LINGO2: variants seen among roughly 807,000 people sequenced by gnomAD.
LINGO2 encodes leucine rich repeat and Ig domain containing 2.
A neutral mutation model predicts 30.6 loss-of-function variants in LINGO2; 14 were observed. The ratio of observed to expected loss-of-function variants is 0.46; its 90% confidence interval spans 0.30 to 0.72. LINGO2 has a LOEUF of 0.72. LINGO2 is among the 30% of genes least tolerant of loss of function. LINGO2 has a pLI of 0.07. For synonymous variants in LINGO2, 317 were observed against 288.5 expected (o/e 1.10, Z -1.00); for missense variants, 729 against 751.7 (o/e 0.97, Z 0.35).
At chr9:29,169,442 A>T in the LINGO2 span, among the ~76,000 whole-genome samples, 3 of 152,142 alleles carry the variant, frequency 2.0e-5, no homozygotes, top group African/African-American at 7.2e-5. Flanking sequence ...AAGAAAAAAA[A>T]ATCCCCATTA....
intron 4 of LINGO2, among the ~76,000 whole-genome samples, chr9:28,289,986 C>G (rs1823658282): frequency 6.6e-6 from 1 of 152,210 alleles, no homozygotes; most frequent in South Asian, 2.1e-4. Flanking sequence ...ATTGCTTTGG[C>G]TCACAGCCAG....
At chr9:28,787,607 G>A in the LINGO2 span, among the ~76,000 whole-genome samples, 9 of 152,126 alleles carry the variant, frequency 5.9e-5, no homozygotes, top group African/African-American at 2.2e-4. Context: ...GGAAAAAAGT[G>A]TCTTTTACCC....
At position 28,364,375 on chromosome 9, in the gene LINGO2, C is replaced by T. The variant is rs559765487; in HGVS notation, c.-246+8461G>A. 1.7e-3 allele frequency among the ~76,000 whole-genome samples: 259 copies of T among 151,226 alleles called. 1 individual carries two copies. Among genetic ancestry groups the T allele is most frequent in the Middle Eastern group, 3.4e-3 (1 of 294 alleles). ...TTTTTCTCTATGTTGTTTTCTAACA[C>T]GGATACAAGGTAAGATGAACACCAC... On this transcript the variant is annotated intron_variant, in intron 3 of 5. Coordinates refer to ENST00000379992, the Ensembl canonical transcript of LINGO2.
chr9:28,090,203 A>T (rs772742157), intron 4 of LINGO2, among the ~76,000 whole-genome samples: 2 of 152,186 alleles, frequency 1.3e-5, no homozygotes, highest in Admixed American at 6.5e-5. Context: ...GTCCTCCCTA[A>T]CTCATTTTAT....
intron 4 of LINGO2, among the ~76,000 whole-genome samples, chr9:28,024,700 C>G (rs1333287262): frequency 2.0e-5 from 3 of 152,100 alleles, no homozygotes; most frequent in African/African-American, 7.2e-5. Flanking sequence ...TTCCAATGTT[C>G]CAAAGTCATT....
At chr9:28,515,023 C>T (rs370852118) in intron 1 of LINGO2, among the ~76,000 whole-genome samples, 19 of 152,046 alleles carry the variant, frequency 1.2e-4, no homozygotes, top group African/African-American at 4.3e-4. Flanking sequence ...ACCTACCACT[C>T]AGAATAAAAG....
At chr9:28,851,471 T>C in the LINGO2 span, among the ~76,000 whole-genome samples, 1 of 152,066 alleles carries the variant, frequency 6.6e-6, no homozygotes, top group African/African-American at 2.4e-5. Flanking sequence ...ATAGTATCCC[T>C]ATTTTAAGGT....
intron 2 of LINGO2, among the ~76,000 whole-genome samples, chr9:28,430,869 T>G (rs1462870144): frequency 6.6e-6 from 1 of 152,100 alleles, no homozygotes; most frequent in Non-Finnish European, 1.5e-5. Flanking sequence ...TGGCACCTAA[T>G]GGGGACTAAA....
intron 1 of LINGO2, among the ~76,000 whole-genome samples, chr9:28,632,708 T>A (rs539044154): frequency 4.4e-4 from 59 of 133,306 alleles, no homozygotes; most frequent in South Asian, 1.2e-3. Context: ...ATCTATATAT[T>A]TATATATAGA....
At chr9:28,257,553 T>A (rs941682427) in intron 4 of LINGO2, among the ~76,000 whole-genome samples, 1 of 151,962 alleles carries the variant, frequency 6.6e-6, no homozygotes, top group African/African-American at 2.4e-5. Flanking sequence ...TATAATTCAG[T>A]AACAGAAAAT....
Position 27,987,377 on chromosome 9 carries a change from G to A in LINGO2, c.-36+24978C>T, listed in dbSNP as rs532007618. Among the ~76,000 whole-genome samples, 6 of 151,508 alleles carry A rather than the reference G, an allele frequency of 4.0e-5. No individual in the cohort carries two copies. The South Asian group carries it at 8.3e-4, about 21-fold the overall frequency. ...TATGTTACCTAGGCTGGGCTCAAAC[G>A]ATCCCTCCAGGCTCAGCCTTTTGAG... is the stretch of plus-strand genomic sequence containing the variant. On this transcript the variant is annotated intron_variant, in intron 5 of 5. Coordinates refer to ENST00000379992, the Ensembl canonical transcript of LINGO2.
chr9:28,068,060 T>C (rs1342520990), intron 4 of LINGO2, among the ~76,000 whole-genome samples: 3 of 152,170 alleles, frequency 2.0e-5, no homozygotes, highest in Non-Finnish European at 4.4e-5. Flanking sequence ...ATGACTAAAG[T>C]CTCTGTCTTC....
chr9:28,159,595 T>C (rs1476300701), intron 4 of LINGO2, among the ~76,000 whole-genome samples: 2 of 151,728 alleles, frequency 1.3e-5, no homozygotes, highest in African/African-American at 2.4e-5. Flanking sequence ...CAACCCAGTT[T>C]TCTGATACGA....
At chr9:28,347,419 C>T (rs944028350) in intron 3 of LINGO2, among the ~76,000 whole-genome samples, 2 of 64,858 alleles carry the variant, frequency 3.1e-5, no homozygotes, top group African/African-American at 6.3e-5. Context: ...TGAAGTTGAC[C>T]TGGCAGAGAG....
the LINGO2 span, among the ~76,000 whole-genome samples, chr9:28,889,213 T>G: frequency 1.1e-4 from 17 of 152,142 alleles, no homozygotes; most frequent in Admixed American, 1.1e-3. Context: ...TTCTTGCCTT[T>G]AGGGCAATTC....
At chr9:29,004,758 G>A in the LINGO2 span, among the ~76,000 whole-genome samples, 45 of 151,710 alleles carry the variant, frequency 3.0e-4, no homozygotes, top group African/African-American at 9.9e-4. Context: ...TCACATCTAC[G>A]CAGACACACA....
At chr9:28,911,893 A>G in the LINGO2 span, among the ~76,000 whole-genome samples, 1 of 152,140 alleles carries the variant, frequency 6.6e-6, no homozygotes, top group Non-Finnish European at 1.5e-5. Context: ...GTCATATTAC[A>G]TACACCAGAG....
chr9:28,549,927 T>G (rs1294064231), intron 1 of LINGO2, among the ~76,000 whole-genome samples: 1 of 151,892 alleles, frequency 6.6e-6, no homozygotes, highest in Non-Finnish European at 1.5e-5. Context: ...AATTGACATT[T>G]CTTTTCTGTT....
chr9:28,350,279 G>A, intron 3 of LINGO2, among the ~76,000 whole-genome samples: 1 of 139,622 alleles, frequency 7.2e-6, no homozygotes, highest in African/African-American at 2.7e-5. Flanking sequence ...GACACACATA[G>A]GCTCAAAATA....
Sources: gnomAD v4.1 joint callset for allele counts (sites outside exome capture counted in the v4.1 genomes callset) on GRCh38, gnomAD v4.1.1 for gene constraint, MANE v1.5 for transcripts, NCBI Gene and HGNC (gene_info 2026-07-23, HGNC 2026-07-21) for gene names.